IKZF2: variants seen among roughly 807,000 people sequenced by gnomAD.
The protein encoded by IKZF2 is IKAROS family zinc finger 2.
IKZF2 carries 15 observed loss-of-function variants against 49.2 expected under a neutral mutation model. The ratio of observed to expected loss-of-function variants is 0.30; its 90% CI spans 0.20 to 0.47. The LOEUF (loss-of-function observed/expected upper bound fraction) is 0.47. Among genes scored for constraint, IKZF2 ranks in the 20% least tolerant of loss-of-function variants. The pLI is 1.00. For synonymous variants in IKZF2, 227 were observed against 221.4 expected (o/e 1.03, Z -0.23); for missense variants, 567 against 664.6 (o/e 0.85, Z 1.61).
intron 7 of IKZF2, 189 bp downstream of exon 7, chr2:213,021,804 A>G: frequency 6.3e-6 from 4 of 639,774 alleles, no homozygotes; most frequent in Non-Finnish European, 1.1e-5. Context: ...TGCTAATTCA[A>G]ACATTATCAG....
At chr2:213,076,293 G>A (rs563989302) in intron 4 of IKZF2, among the ~76,000 whole-genome samples, 46 of 151,580 alleles carry the variant, frequency 3.0e-4, no homozygotes, top group African/African-American at 9.7e-4. Flanking sequence ...CTAAAACACC[G>A]AAACAAAACT....
chr2:213,147,889 C>A, intron 3 of IKZF2, 77 bp from the exon 4 acceptor site: 1 of 1,021,052 alleles, frequency 9.8e-7, no homozygotes, highest in South Asian at 1.4e-5. Context: ...GCTTTATACA[C>A]GCAATGGCAT....
intron 5 of IKZF2, among the ~76,000 whole-genome samples, chr2:213,055,624 G>C (rs1701070000): frequency 6.6e-6 from 1 of 151,772 alleles, no homozygotes. Context: ...ATAAATTCTT[G>C]GTATACTGAC....
At chr2:213,012,029 T>C (rs986900801) in intron 8 of IKZF2, among the ~76,000 whole-genome samples, 21 of 152,110 alleles carry the variant, frequency 1.4e-4, no homozygotes, top group African/African-American at 5.1e-4. Flanking sequence ...TCAGGGATCA[T>C]TGGTCTGGAG....
intron 4 of IKZF2, among the ~76,000 whole-genome samples, chr2:213,145,928 T>C (rs964303990): frequency 1.3e-4 from 20 of 152,090 alleles, no homozygotes; most frequent in Non-Finnish European, 2.5e-4. Context: ...TTTGTTCAAA[T>C]TGATCATGCC....
chr2:213,122,822 A>G (rs2060103485), intron 4 of IKZF2, among the ~76,000 whole-genome samples: 1 of 152,232 alleles, frequency 6.6e-6, no homozygotes. Context: ...AGATTTTGCC[A>G]CAGGTGACCT....
intron 4 of IKZF2, among the ~76,000 whole-genome samples, chr2:213,081,633 G>A (rs1465933650): frequency 6.6e-6 from 1 of 152,148 alleles, no homozygotes; most frequent in African/African-American, 2.4e-5. Context: ...AGTCACACTT[G>A]GTGGGAAGAT....
intron 6 of IKZF2, among the ~76,000 whole-genome samples, chr2:213,038,395 C>T (rs903459778): frequency 2.0e-5 from 3 of 152,026 alleles, no homozygotes; most frequent in South Asian, 2.1e-4. Context: ...GGAAAACAAC[C>T]GATTATCATA....
chr2:213,065,272 T>G (rs1702067186), intron 4 of IKZF2, among the ~76,000 whole-genome samples: 1 of 152,046 alleles, frequency 6.6e-6, no homozygotes. Context: ...TCCTATGAAA[T>G]TTACTTCACT....
rs113640592 is a variant in IKZF2 at position 213,150,861 on chromosome 2, A to T, written c.-120+552T>A. Among the ~76,000 whole-genome samples, 626 of 151,612 alleles carry T rather than the reference A, an allele frequency of 4.1e-3. 5 individuals are homozygous for T. The highest frequency in any genetic ancestry group is 0.015 in the African/African-American group (607 of 41,304). On this transcript the variant is annotated intron_variant, in intron 1 of 8. Coordinates refer to ENST00000434687, the MANE Select transcript of IKZF2 (RefSeq NM_001387220.1). ...GCCCATACTAGAACCTGTCAAAGTG[A>T]TTTAACTGCTGCCTGTTTACATGTG...
intron 4 of IKZF2, among the ~76,000 whole-genome samples, chr2:213,134,760 T>C (rs946055147): frequency 1.6e-4 from 25 of 152,234 alleles, no homozygotes; most frequent in Admixed American, 1.4e-3. Context: ...CCTCATCACT[T>C]AAGCAGGCAG....
intron 4 of IKZF2, among the ~76,000 whole-genome samples, chr2:213,117,663 T>C (rs1298092490): frequency 6.6e-6 from 1 of 152,230 alleles, no homozygotes; most frequent in Non-Finnish European, 1.5e-5. Flanking sequence ...ACTGCATTTA[T>C]TGCCACTTGC....
At chr2:213,081,480 C>T (rs143224421) in intron 4 of IKZF2, among the ~76,000 whole-genome samples, 3 of 151,948 alleles carry the variant, frequency 2.0e-5, no homozygotes, top group Admixed American at 2.0e-4. Context: ...GAGAATATGG[C>T]ATGATGAGTA....
intron 6 of IKZF2, among the ~76,000 whole-genome samples, chr2:213,031,108 G>A (rs184826991): frequency 1.0e-3 from 159 of 152,344 alleles, no homozygotes; most frequent in African/African-American, 3.7e-3. Context: ...TTACAGGCGT[G>A]TGCCACTGCG....
intron 4 of IKZF2, among the ~76,000 whole-genome samples, chr2:213,133,440 A>T (rs1180686935): frequency 6.6e-6 from 1 of 152,156 alleles, no homozygotes; most frequent in South Asian, 2.1e-4. Context: ...TTTTAAAAAC[A>T]TGTTTACTGG....
intron 4 of IKZF2, among the ~76,000 whole-genome samples, chr2:213,106,749 A>G (rs565971470): frequency 1.4e-4 from 21 of 152,200 alleles, no homozygotes; most frequent in African/African-American, 4.8e-4. Flanking sequence ...CCACTTGAAA[A>G]ATCTAAAAGT....
intron 6 of IKZF2, among the ~76,000 whole-genome samples, chr2:213,041,293 C>A (rs1406667639): frequency 6.7e-6 from 1 of 148,440 alleles, no homozygotes; most frequent in Non-Finnish European, 1.5e-5. Flanking sequence ...TTTAAAAGTG[C>A]AGTTCACTTT....
intron 5 of IKZF2, among the ~76,000 whole-genome samples, chr2:213,056,014 TTTG>T (rs1263883393): frequency 2.6e-5 from 4 of 152,120 alleles, no homozygotes; most frequent in Non-Finnish European, 5.9e-5. Flanking sequence ...TTGAATCTTT[TTTG>T]TTAAGAGTCA....
chr2:213,008,144 A>C lies in IKZF2; in HGVS notation c.857-60T>G, dbSNP rs76705042. The C allele has an allele frequency of 0.23, 345,242 of 1,473,000 alleles. 43,970 individuals are homozygous for C. Among genetic ancestry groups the C allele is most frequent in the Non-Finnish European group, 0.26 (284,270 of 1,108,410 alleles). 91.2% of individuals were successfully genotyped at this position (1,473,000 alleles called of 1,614,324 possible). On this transcript the variant is annotated intron_variant, in intron 8 of 8. Coordinates refer to ENST00000434687, the MANE Select transcript of IKZF2 (RefSeq NM_001387220.1). ...AAAAAAAAAATACAACAACATTAGTATCAGATTAAAAATATGAAAGGGTAC... is the reference window on the plus strand; with the variant it reads ...AAAAAAAAAATACAACAACATTAGTCTCAGATTAAAAATATGAAAGGGTAC...
Sources: allele counts gnomAD v4.1 joint callset (sites outside exome capture counted in the v4.1 genomes callset), GRCh38; gene constraint gnomAD v4.1.1; transcripts MANE v1.5; gene names NCBI Gene and HGNC (gene_info 2026-07-23, HGNC 2026-07-21).